Variants in NUDT18 observed in about 807,000 individuals in gnomAD.
The protein encoded by NUDT18 is nudix hydrolase 18, also known as 8-oxo-dGDP phosphatase NUDT18.
NUDT18 carries 26 observed loss-of-function variants against 27.6 expected under a neutral mutation model. The observed-to-expected ratio is 0.94, with a 90% CI of 0.69 to 1.31. The LOEUF (loss-of-function observed/expected upper bound fraction) is 1.31. NUDT18 is among the 50% of genes most tolerant of loss of function. NUDT18 has a pLI of 0.00. For synonymous variants in NUDT18, 220 were observed against 196.9 expected, an observed-to-expected ratio of 1.12 and a Z score of -0.98; for missense variants, 450 against 433.4, an observed-to-expected ratio of 1.04 and a Z score of -0.34.
At chr8:22,109,609 T>G (rs976455482), upstream of NUDT18, 2 of 500,670 alleles carry the variant, frequency 4.0e-6, no homozygotes, top group South Asian at 3.2e-5. Context: ...TTCTGCCGCC[T>G]GTCAGTCCCG....
chr8:22,107,047 G>T lies in NUDT18; in HGVS notation c.*253C>A. On this transcript the variant is annotated 3_prime_UTR_variant, in exon 3 of 3. Transcript: ENST00000611621. ...GGTGCAGAAAGCTCCCCATCCCCCT[G>T]GGAAGAGGCGTCAGCGTGCCCTCAG... 1 of 463,980 alleles carries T rather than the reference G, an allele frequency of 2.2e-6. No homozygotes were observed. Among genetic ancestry groups the T allele is most frequent in the Non-Finnish European group, 3.9e-6 (1 of 259,014 alleles). 28.7% of individuals were successfully genotyped at this position (463,980 alleles called of 1,614,324 possible). A position where few individuals can be genotyped will look rare whatever the true frequency, so the allele number is the denominator to read the frequency against.
At chr8:22,108,552 C>T (rs1371174258) in intron 1 of NUDT18, among the ~76,000 whole-genome samples, 1 of 152,214 alleles carries the variant, frequency 6.6e-6, no homozygotes, top group Non-Finnish European at 1.5e-5. Context: ...AGGAAGACTT[C>T]CATTTCAGGA....
intron 1 of NUDT18, among the ~76,000 whole-genome samples, chr8:22,108,891 C>G (rs928548144): frequency 7.2e-5 from 11 of 152,222 alleles, no homozygotes; most frequent in African/African-American, 2.7e-4. Context: ...CTGGGCACTC[C>G]GCTAGACTCT....
In NUDT18 at chr8:22,107,243, C is replaced by G. The variant is rs1454311999; in HGVS notation, c.*57G>C. 2 of 1,357,116 alleles carry G rather than the reference C, an allele frequency of 1.5e-6. No individual in the cohort carries two copies. The highest frequency in any genetic ancestry group is 2.0e-6 in the Non-Finnish European group (2 of 1,003,278). The allele number at this position is 1,357,116 out of a possible 1,614,324, so 84.1% of individuals were successfully genotyped here. A position where few individuals can be genotyped will look rare whatever the true frequency, so the allele number is the denominator to read the frequency against. On this transcript the variant is annotated 3_prime_UTR_variant, in exon 3 of 3. Transcript: ENST00000611621. Reference sequence around the variant, plus strand: ...GCCTCTTGCCTCCCTCAGAGGGAGACAAGTCCGCACTGGAGGGAGCACGGC... The same window carrying G: ...GCCTCTTGCCTCCCTCAGAGGGAGAGAAGTCCGCACTGGAGGGAGCACGGC...
chr8:22,107,297 T>C lies in NUDT18; in HGVS notation c.*3A>G, dbSNP rs1316642355. The stretch of plus-strand genomic sequence containing the variant: ...CTAGCTCCCTGTCACCTCCCCCACC[T>C]CTCTATCTGTTCACTGGGACAACAG... On this transcript the variant is annotated 3_prime_UTR_variant, in exon 3 of 3. Coordinates refer to ENST00000611621, the MANE Select transcript of NUDT18 (RefSeq NM_024815.4). The C allele has an allele frequency of 1.9e-6, 3 of 1,585,360 alleles. No individual in the cohort carries two copies. Among genetic ancestry groups the C allele is most frequent in the Non-Finnish European group, 2.6e-6 (3 of 1,164,524 alleles).
In NUDT18 at chr8:22,109,196, GGGCGCCGGCGGCTCCCCGGCC is replaced by G; in HGVS notation, c.84_104del (p.Ala29_Pro35del). ...AGCACACGTTCTTCCGCAGCCGCACGGGCGCCGGCGGCTCCCCGGCCGGCGCCGAGTCGCAGCTGTGCACGC... is the reference window on the plus strand; with the variant it reads ...AGCACACGTTCTTCCGCAGCCGCACGGGCGCCGAGTCGCAGCTGTGCACGC... On this transcript the variant is annotated inframe_deletion, in exon 1 of 3. Coordinates refer to ENST00000611621, the MANE Select transcript of NUDT18 (RefSeq NM_024815.4). 1 of 1,448,268 alleles carries G rather than the reference GGGCGCCGGCGGCTCCCCGGCC, an allele frequency of 6.9e-7. No individual in the cohort carries two copies. The highest frequency in any genetic ancestry group is 9.0e-7 in the Non-Finnish European group (1 of 1,110,176). 89.7% of individuals were successfully genotyped at this position (1,448,268 alleles called of 1,614,324 possible). A position where few individuals can be genotyped will look rare whatever the true frequency, so the allele number is the denominator to read the frequency against.
chr8:22,107,804 G>T lies in NUDT18; in HGVS notation c.468C>A (p.Ala156=). 1 of 1,613,322 alleles carries T rather than the reference G, an allele frequency of 6.2e-7. No individual in the cohort carries two copies. The highest frequency in any genetic ancestry group is 8.5e-7 in the Non-Finnish European group (1 of 1,179,838). The change falls in exon 3 of 3, where the codon GCC becomes GCA. Residue 156 remains alanine, a synonymous_variant. Coordinates refer to ENST00000611621, the MANE Select transcript of NUDT18 (RefSeq NM_024815.4). ...PRTSLPTPLR[A]HDILHLVELA... ...GTTCAACCAGGTGCAGGATGTCATG[G>T]GCTCGCAGCGGAGTGGGCAGGGAGG...
chr8:22,109,369 G>GCTGCGGAGCCCACTCCCAGTCC lies in NUDT18; in HGVS notation c.-70_-69insGGACTGGGAGTGGGCTCCGCAG. The GCTGCGGAGCCCACTCCCAGTCC allele has an allele frequency of 4.2e-6, 3 of 712,744 alleles. No individual in the cohort carries two copies. Among genetic ancestry groups the GCTGCGGAGCCCACTCCCAGTCC allele is most frequent in the Non-Finnish European group, 5.4e-6 (3 of 557,184 alleles). 44.2% of individuals were successfully genotyped at this position (712,744 alleles called of 1,614,324 possible). On this transcript the variant is annotated 5_prime_UTR_variant, in exon 1 of 3. Transcript: ENST00000611621. ...TGAGCCGAGCCGCGGGCTAGAGTGC[G>GCTGCGGAGCCCACTCCCAGTCC]CTGCGGAGCCCGCTCCCAGTCCCTG...
In NUDT18 at chr8:22,109,376, A is replaced by AGCCCGCTCCCAGTCCCTGCGGC. The variant is rs141585279; in HGVS notation, c.-98_-77dup. The AGCCCGCTCCCAGTCCCTGCGGC allele has an allele frequency of 7.6e-3, 9,972 of 1,307,090 alleles. 196 individuals are homozygous for AGCCCGCTCCCAGTCCCTGCGGC. Among genetic ancestry groups the AGCCCGCTCCCAGTCCCTGCGGC allele is most frequent in the African/African-American group, 0.014 (915 of 63,950 alleles). The allele number at this position is 1,307,090 out of a possible 1,614,324, so 81.0% of individuals were successfully genotyped here. A position where few individuals can be genotyped will look rare whatever the true frequency, so the allele number is the denominator to read the frequency against. ...AGCCGCGGGCTAGAGTGCGCTGCGG[A>AGCCCGCTCCCAGTCCCTGCGGC]GCCCGCTCCCAGTCCCTGCGGCAGC... On this transcript the variant is annotated 5_prime_UTR_variant, in exon 1 of 3. Transcript: ENST00000611621.
chr8:22,110,343 C>T (rs556124039), upstream of NUDT18, among the ~76,000 whole-genome samples: 1 of 152,390 alleles, frequency 6.6e-6, no homozygotes, highest in African/African-American at 2.4e-5. Flanking sequence ...CTCCTTCACC[C>T]CACCTCAGCA....
chr8:22,110,396 G>T (rs540008160), upstream of NUDT18, among the ~76,000 whole-genome samples: 10 of 152,386 alleles, frequency 6.6e-5, no homozygotes, highest in South Asian at 1.9e-3. Context: ...GAAGCAGGCC[G>T]TCTGGCTCCT....
chr8:22,110,448 T>C (rs1192646800), upstream of NUDT18, among the ~76,000 whole-genome samples: 1 of 152,232 alleles, frequency 6.6e-6, no homozygotes, highest in Admixed American at 6.5e-5. Flanking sequence ...TCTGATAGTT[T>C]TGTGCGCCTC....
chr8:22,109,912 G>T, upstream of NUDT18: 4 of 347,218 alleles, frequency 1.2e-5, no homozygotes, highest in South Asian at 6.3e-5. Context: ...CCCGTGGGGT[G>T]GGGGACATAA....
upstream of NUDT18, chr8:22,109,602 T>G (rs1335265306): frequency 9.9e-6 from 5 of 502,960 alleles, no homozygotes; most frequent in Non-Finnish European, 1.9e-5. Context: ...GCCCGGCTTC[T>G]GCCGCCTGTC....
rs576023621 is a variant in NUDT18 at position 22,109,243 on chromosome 8, T to C, written c.58A>G (p.Ser20Gly). 4.2e-6 allele frequency: 6 copies of C among 1,426,350 alleles called. No homozygotes were observed. The highest frequency in any genetic ancestry group is 1.4e-5 in the South Asian group (1 of 70,400). 88.4% of individuals were successfully genotyped at this position (1,426,350 alleles called of 1,614,324 possible). The stretch of plus-strand genomic sequence containing the variant: ...GGCGCCGAGTCGCAGCTGTGCACGC[T>C]GGACCCCTGGCCAGCCAGCACGGAA... ...LASVLAGQGS[S>G]VHSCDSAPAG... The change falls in exon 1 of 3, where the codon AGC becomes GGC. Residue 20 changes from serine to glycine, a missense_variant. Ser to Gly is a moderately conservative substitution (Grantham distance 56, BLOSUM62 0). Transcript: ENST00000611621.
At chr8:22,108,051 C>T in intron 2 of NUDT18, 82 bp downstream of exon 2, 21 of 1,399,412 alleles carry the variant, frequency 1.5e-5, no homozygotes, top group Non-Finnish European at 2.0e-5. Context: ...ACAGGACTGG[C>T]TGTAGAGGGG....
chr8:22,109,977 A>G (rs939626749), upstream of NUDT18: 16 of 291,964 alleles, frequency 5.5e-5, no homozygotes, highest in Middle Eastern at 8.1e-4. Flanking sequence ...GGAGTCCTAG[A>G]TGAGGAGTCA....
At chr8:22,108,004 G>C in intron 2 of NUDT18, 109 bp from the exon 3 acceptor site, 1 of 1,359,178 alleles carries the variant, frequency 7.4e-7, no homozygotes, top group Non-Finnish European at 9.8e-7. Flanking sequence ...CCAGCCCAAA[G>C]GCTGGAATCT....
In NUDT18 at chr8:22,107,389, A is replaced by G; in HGVS notation, c.883T>C (p.Phe295Leu). Residue 295 changes from phenylalanine to leucine, a missense_variant, in exon 3 of 3, where the codon TTC (phenylalanine) becomes CTC (leucine). Coordinates refer to ENST00000611621, the MANE Select transcript of NUDT18 (RefSeq NM_024815.4). ...DEPPKVRGEN[F>L]SWWKVMEEDL... is the part of the protein sequence containing the mutation. Reference sequence around the variant, plus strand: ...TCCTCCATCACCTTCCACCAAGAGAAGTTCTCACCCCGAACTTTTGGGGGT... The same window carrying G: ...TCCTCCATCACCTTCCACCAAGAGAGGTTCTCACCCCGAACTTTTGGGGGT... The G allele has an allele frequency of 5.0e-6, 8 of 1,613,544 alleles. No individual in the cohort carries two copies. Among genetic ancestry groups the G allele is most frequent in the Non-Finnish European group, 6.8e-6 (8 of 1,179,848 alleles).
Sources: gnomAD v4.1 joint callset for allele counts (sites outside exome capture counted in the v4.1 genomes callset) on GRCh38, gnomAD v4.1.1 for gene constraint, MANE v1.5 for transcripts, NCBI Gene and HGNC (gene_info 2026-07-23, HGNC 2026-07-21) for gene names.